VWDE: variants seen among roughly 807,000 people sequenced by gnomAD.
VWDE encodes von Willebrand factor D and EGF domain-containing protein.
Under a neutral mutation model 178.4 loss-of-function variants are expected in VWDE, and 207 were observed. The observed-to-expected ratio is 1.16, with a 90% CI of 1.04 to 1.30. VWDE has a LOEUF of 1.30. Among genes scored for constraint, VWDE ranks in the 50% most tolerant of loss-of-function variants. The pLI, the probability that VWDE is intolerant of heterozygous loss-of-function variation, is 0.00. For missense variants in VWDE, 2,287 were observed against 1,901.3 expected (o/e 1.20, Z -3.77); for synonymous variants, 738 against 651.4 (o/e 1.13, Z -2.02).
At position 12,357,366 on chromosome 7, in the gene VWDE, A is replaced by G. The variant is rs1782310022; in HGVS notation, c.3424T>C (p.Ser1142Pro). Residue 1142 changes from serine to proline, a missense_variant, in exon 17 of 29, where the codon TCT becomes CCT. By Grantham distance (74) the Ser-to-Pro change is moderately conservative. Transcript: ENST00000275358. ...GTTTTCCACATAAAAAGCCCTGCAG[A>G]GGAAACACTTGCCCCTTCAGGACCA... The part of the protein sequence containing the change: ...DSGPEGASVS[S>P]AGLFMWKTDL... 1 of 1,552,024 alleles carries G rather than the reference A, an allele frequency of 6.4e-7. No homozygotes were observed. The highest frequency in any genetic ancestry group is 8.7e-7 in the Non-Finnish European group (1 of 1,147,072).
chr7:12,389,421 C>T (rs1784270723), intron 2 of VWDE, 63 bp from the exon 3 acceptor site: 1 of 1,192,338 alleles, frequency 8.4e-7, no homozygotes, highest in African/African-American at 1.5e-5. Flanking sequence ...GTAGATATAT[C>T]AACTTTGCAT....
At chr7:12,367,046 A>G (rs1359567743) in intron 13 of VWDE, among the ~76,000 whole-genome samples, 1 of 152,088 alleles carries the variant, frequency 6.6e-6, no homozygotes, top group Non-Finnish European at 1.5e-5. Flanking sequence ...GCTAAAAACA[A>G]TGTCTCTTCT....
intron 3 of VWDE, among the ~76,000 whole-genome samples, chr7:12,387,190 A>T (rs570295225): frequency 6.6e-6 from 1 of 152,264 alleles, no homozygotes; most frequent in Admixed American, 6.5e-5. Context: ...AGTTTCTATA[A>T]TCATGTAAAG....
intron 18 of VWDE, chr7:12,353,745 T>G (rs1277058045): frequency 6.6e-6 from 1 of 152,310 alleles, no homozygotes; most frequent in Non-Finnish European, 1.5e-5. Context: ...TAAACTGTAT[T>G]GTCTTTCTCT....
At chr7:12,337,341 A>T (rs1781100767) in intron 24 of VWDE, 69 bp from the exon 25 acceptor site, 2 of 1,299,762 alleles carry the variant, frequency 1.5e-6, no homozygotes, top group African/African-American at 2.9e-5. Flanking sequence ...ACATTGCATC[A>T]TGTGCTTGTC....
Position 12,367,499 on chromosome 7 carries a change from G to GAA in VWDE, c.2762-8_2762-7dup. The GAA allele has an allele frequency of 6.8e-7, 1 of 1,461,594 alleles. No individual in the cohort carries two copies. 90.5% of individuals were successfully genotyped at this position (1,461,594 alleles called of 1,614,324 possible). On this transcript the variant is annotated splice_region_variant and splice_polypyrimidine_tract_variant and intron_variant, in intron 12 of 28. Transcript: ENST00000275358. ...TGTAATTTCAGGAGCTTTGTCTTTG[G>GAA]AAAAAAAATATAACAAATACTACAT... is the stretch of plus-strand genomic sequence containing the variant.
At chr7:12,379,438 G>A (rs1783713426) in intron 6 of VWDE, 39 bp downstream of exon 6, 1 of 1,418,620 alleles carries the variant, frequency 7.0e-7, no homozygotes, top group Non-Finnish European at 9.7e-7. Flanking sequence ...CATAGTTCCA[G>A]AGGAATAATC....
chr7:12,402,415 T>A (rs1784945447), intron 1 of VWDE, among the ~76,000 whole-genome samples: 1 of 152,344 alleles, frequency 6.6e-6, no homozygotes, highest in South Asian at 2.1e-4. Flanking sequence ...TTTACTCCAT[T>A]AAACATAAAG....
At chr7:12,395,977 C>G (rs565543237) in intron 1 of VWDE, among the ~76,000 whole-genome samples, 3 of 151,250 alleles carry the variant, frequency 2.0e-5, no homozygotes, top group Admixed American at 2.0e-4. Context: ...ATAACTTTTC[C>G]CCTCAAAAAA....
At position 12,370,415 on chromosome 7, in the gene VWDE, C is replaced by T; in HGVS notation, c.1891G>A (p.Ala631Thr). The T allele has an allele frequency of 6.5e-7, 1 of 1,547,046 alleles. No homozygotes were observed. Among genetic ancestry groups the T allele is most frequent in the Non-Finnish European group, 8.7e-7 (1 of 1,146,784 alleles). Residue 631 changes from alanine (A) to threonine (T), a missense_variant, in exon 12 of 29, where the codon GCG becomes ACG. Transcript: ENST00000275358. ...TCCAGATCTTCGGAAGACGGATACGCTGCAGTGTCCAATGAACAGCTACAA... is the reference window on the plus strand; with the variant it reads ...TCCAGATCTTCGGAAGACGGATACGTTGCAGTGTCCAATGAACAGCTACAA... ...SYCSCSLDTA[A>T]YPSSEDLDSV...
At chr7:12,396,089 G>C (rs1784609928) in intron 1 of VWDE, among the ~76,000 whole-genome samples, 1 of 152,034 alleles carries the variant, frequency 6.6e-6, no homozygotes, top group African/African-American at 2.4e-5. Context: ...TACAGTACTT[G>C]AATTTCATAT....
intron 27 of VWDE, 30 bp from the exon 28 acceptor site, chr7:12,333,598 TC>T (rs1780854760): frequency 7.0e-7 from 1 of 1,434,128 alleles, no homozygotes; most frequent in Non-Finnish European, 9.6e-7. Flanking sequence ...ACAATGACCA[TC>T]CTTTGACATG....
intron 28 of VWDE, among the ~76,000 whole-genome samples, chr7:12,331,598 G>C (rs1396091465): frequency 6.6e-6 from 1 of 151,968 alleles, no homozygotes; most frequent in Non-Finnish European, 1.5e-5. Context: ...GATGTAATTA[G>C]TTACAAACTC....
intron 19 of VWDE, among the ~76,000 whole-genome samples, chr7:12,346,822 C>G (rs1440036): frequency 0.64 from 96,783 of 151,824 alleles, 31,643 homozygotes; most frequent in African/African-American, 0.8. Flanking sequence ...AAGCTCTTCT[C>G]AAAGGTCTTA....
In VWDE at chr7:12,340,411, C is replaced by T; in HGVS notation, c.4277G>A (p.Cys1426Tyr). 6.4e-7 allele frequency: 1 copy of T among 1,550,508 alleles called. No individual in the cohort carries two copies. The highest frequency in any genetic ancestry group is 8.7e-7 in the Non-Finnish European group (1 of 1,146,428). ...WYGPTCSTAL[C>Y]DPVCLNGGSC... Reference sequence around the variant, plus strand: ...ACCACCATTGAGGCAGACAGGGTCGCACAAAGCTAATAAACAGCAGGAGGA... The same window carrying T: ...ACCACCATTGAGGCAGACAGGGTCGTACAAAGCTAATAAACAGCAGGAGGA... The change falls in exon 24 of 29, where the codon TGC (cysteine) becomes TAC (tyrosine). Residue 1426 changes from cysteine to tyrosine, a missense_variant. Coordinates refer to ENST00000275358, the MANE Select transcript of VWDE (RefSeq NM_001135924.3).
chr7:12,390,586 A>G (rs367678978), intron 2 of VWDE, among the ~76,000 whole-genome samples: 7 of 151,610 alleles, frequency 4.6e-5, no homozygotes, highest in East Asian at 3.9e-4. Context: ...ATAAAATTAT[A>G]TGTAAATAGT....
intron 19 of VWDE, among the ~76,000 whole-genome samples, chr7:12,350,773 G>A (rs1176878724): frequency 2.0e-5 from 3 of 152,050 alleles, no homozygotes; most frequent in Non-Finnish European, 4.4e-5. Flanking sequence ...AGTAATAACA[G>A]TTACTGTAAA....
chr7:12,357,834 G>C (rs1396045243), intron 16 of VWDE, among the ~76,000 whole-genome samples: 2 of 151,994 alleles, frequency 1.3e-5, no homozygotes, highest in Non-Finnish European at 2.9e-5. Context: ...TCTTGGTGTT[G>C]ACTGCCTCAC....
At chr7:12,378,049 A>G in intron 6 of VWDE, 129 bp from the exon 7 acceptor site, 4 of 626,210 alleles carry the variant, frequency 6.4e-6, no homozygotes, top group Non-Finnish European at 7.2e-6. Context: ...GAATGTTTTA[A>G]CTAAGCAAGA....
Sources: allele counts gnomAD v4.1 joint callset (sites outside exome capture counted in the v4.1 genomes callset), GRCh38; gene constraint gnomAD v4.1.1; transcripts MANE v1.5; gene names NCBI Gene and HGNC (gene_info 2026-07-23, HGNC 2026-07-21).